Variants in PON2 observed in about 807,000 individuals in gnomAD.
PON2 encodes the protein serum paraoxonase/arylesterase 2.
In PON2, 27 loss-of-function variants were observed where a neutral mutation model predicts 36.6. The observed-to-expected ratio is 0.74, with a 90% CI of 0.54 to 1.02. The LOEUF (loss-of-function observed/expected upper bound fraction) is 1.02. PON2 is among the 50% of genes least tolerant of loss of function. The pLI is 0.00. For missense variants in PON2, 363 were observed against 421.1 expected, an observed-to-expected ratio of 0.86 and a Z score of 1.21; for synonymous variants, 149 against 156.3, an observed-to-expected ratio of 0.95 and a Z score of 0.35.
intron 1 of PON2, 77 bp downstream of exon 1, chr7:95,434,801 C>A (rs1474831324): frequency 1.3e-6 from 2 of 1,482,076 alleles, no homozygotes; most frequent in Admixed American, 4.1e-5. Context: ...CCTCCCCCAG[C>A]CTGCGCCCTC....
Position 95,411,215 on chromosome 7 carries a change from C to T in PON2, c.494+438G>A, listed in dbSNP as rs746867698. On this transcript the variant is annotated intron_variant, in intron 5 of 8. Transcript: ENST00000222572. ...GCAACCATCACTAACCCTATGAAAG[C>T]GATTGGTATAAAGTCCCATGCAAAG... Among the ~76,000 whole-genome samples the T allele has an allele frequency of 3.3e-5, 5 of 152,130 alleles. No individual in the cohort carries two copies. In the East Asian group the frequency reaches 5.8e-4, roughly 18 times the overall value.
At chr7:95,428,186 T>G (rs1173793237) in intron 1 of PON2, among the ~76,000 whole-genome samples, 1 of 152,198 alleles carries the variant, frequency 6.6e-6, no homozygotes, top group Non-Finnish European at 1.5e-5. Context: ...CTATTTGCCT[T>G]CTCTGTTTTA....
chr7:95,429,508 A>G (rs1789391282), intron 1 of PON2, among the ~76,000 whole-genome samples: 2 of 152,196 alleles, frequency 1.3e-5, no homozygotes, highest in South Asian at 4.1e-4. Context: ...AACAGTCATT[A>G]GCATGAAATC....
chr7:95,434,957 G>T lies in PON2; in HGVS notation c.-6C>A, dbSNP rs949437350. ...ACAGCCACCAGCCGCCCCATGGCGC[G>T]GGAGCCGGGCGCGCTGCCTCGCTCC... On this transcript the variant is annotated 5_prime_UTR_variant, in exon 1 of 9. Coordinates refer to ENST00000222572, the MANE Select transcript of PON2 (RefSeq NM_000305.3). The T allele has an allele frequency of 4.6e-6, 7 of 1,524,422 alleles. No individual in the cohort carries two copies. The highest frequency in any genetic ancestry group is 1.4e-5 in the African/African-American group (1 of 70,086). The allele number at this position is 1,524,422 out of a possible 1,614,324, so 94.4% of individuals were successfully genotyped here.
At chr7:95,424,918 G>A (rs918209086) in intron 1 of PON2, among the ~76,000 whole-genome samples, 4 of 152,090 alleles carry the variant, frequency 2.6e-5, no homozygotes, top group Non-Finnish European at 5.9e-5. Context: ...TGGTGTTGTG[G>A]GAAAAGAGTT....
chr7:95,421,651 AAAG>A (rs768437622), intron 2 of PON2, among the ~76,000 whole-genome samples: 5 of 152,152 alleles, frequency 3.3e-5, no homozygotes, highest in Admixed American at 6.5e-5. Flanking sequence ...TGGGCAATTG[AAAG>A]AAGGAAGGGA....
chr7:95,413,959 C>CA (rs1562787217), intron 3 of PON2, among the ~76,000 whole-genome samples: 1 of 152,178 alleles, frequency 6.6e-6, no homozygotes, highest in African/African-American at 2.4e-5. Flanking sequence ...GATTTACATG[C>CA]AAAGGAAGCA....
chr7:95,425,198 T>C lies in PON2; in HGVS notation c.75-613A>G, dbSNP rs75062327. ...TTTTTGGTTACATGGATGAGTGATA[T>C]AGCAGTGAATTCTGAGATTTTAGTG... On this transcript the variant is annotated intron_variant, in intron 1 of 8. Transcript: ENST00000222572. 2.8e-3 allele frequency among the ~76,000 whole-genome samples: 421 copies of C among 152,328 alleles called. 12 individuals carry two copies. The East Asian group carries it at 0.056, about 20-fold the overall frequency.
intron 5 of PON2, 128 bp from the exon 6 acceptor site, chr7:95,410,229 A>C: frequency 1.3e-6 from 1 of 766,200 alleles, no homozygotes; most frequent in Non-Finnish European, 2.2e-6. Context: ...GACGAGCTAA[A>C]AATCACGACT....
intron 3 of PON2, among the ~76,000 whole-genome samples, chr7:95,414,987 T>C (rs1345734885): frequency 6.6e-6 from 1 of 152,206 alleles, no homozygotes; most frequent in Admixed American, 6.5e-5. Context: ...GTGTTCTAAT[T>C]CTCATTCTAC....
chr7:95,409,408 T>A (rs1188096221), intron 6 of PON2: 1 of 151,964 alleles, frequency 6.6e-6, no homozygotes, highest in Non-Finnish European at 1.5e-5. Flanking sequence ...GTATAAAATA[T>A]TTTTTATGTA....
At chr7:95,412,723 G>C in intron 3 of PON2, 1 of 505,650 alleles carries the variant, frequency 2.0e-6, no homozygotes, top group Non-Finnish European at 3.6e-6. Flanking sequence ...CAGAAGGTTG[G>C]TGGACTAGGT....
intron 3 of PON2, chr7:95,412,756 G>A (rs1168914987): frequency 2.2e-6 from 1 of 451,358 alleles, no homozygotes; most frequent in Non-Finnish European, 4.1e-6. Context: ...AGCTGAGGGT[G>A]GAGAAAAGTG....
In PON2 at chr7:95,434,898, G is replaced by T. The variant is rs1055107357; in HGVS notation, c.54C>A (p.Gly18=). 3.2e-6 allele frequency: 5 copies of T among 1,539,934 alleles called. No homozygotes were observed. Among genetic ancestry groups the T allele is most frequent in the African/African-American group, 2.8e-5 (2 of 72,146 alleles). The change falls in exon 1 of 9, where the codon GGC becomes GGA. Residue 18 remains glycine, a synonymous_variant. Coordinates refer to ENST00000222572, the MANE Select transcript of PON2 (RefSeq NM_000305.3). The stretch of plus-strand genomic sequence containing the variant: ...CCTACCTGAGTGCCAGAAGCCTCTC[G>T]CCCAGGAGCGCCAGCGCGATCCCCA... ...GLLGIALALL[G]ERLLALRNRL... is the part of the protein sequence containing the mutation.
In PON2 at chr7:95,405,206, G is replaced by T; in HGVS notation, c.*124C>A. 1 of 1,067,422 alleles carries T rather than the reference G, an allele frequency of 9.4e-7. No individual in the cohort carries two copies. Among genetic ancestry groups the T allele is most frequent in the East Asian group, 2.6e-5 (1 of 38,312 alleles). 66.1% of individuals were successfully genotyped at this position (1,067,422 alleles called of 1,614,324 possible). A position where few individuals can be genotyped will look rare whatever the true frequency, so the allele number is the denominator to read the frequency against. On this transcript the variant is annotated 3_prime_UTR_variant, in exon 9 of 9. Coordinates refer to ENST00000222572, the MANE Select transcript of PON2 (RefSeq NM_000305.3). ...GAACTAAAAGGGCCGTTCCTTACTG[G>T]AATAAAATTAACTACACATGCCATA...
In PON2 at chr7:95,407,129, T is replaced by C. The variant is rs1199500916; in HGVS notation, c.696-61A>G. 2.7e-6 allele frequency: 3 copies of C among 1,098,480 alleles called. No individual in the cohort carries two copies. The Admixed American group carries it at 5.5e-5, about 20-fold the overall frequency. The allele number at this position is 1,098,480 out of a possible 1,614,324, so 68.0% of individuals were successfully genotyped here. ...CCAATATAAAGCTTCATTAATACAG[T>C]GTGAAAGAATAAGTCTTAATAACCT... is the stretch of plus-strand genomic sequence containing the variant. On this transcript the variant is annotated intron_variant, in intron 6 of 8. Transcript: ENST00000222572.
At chr7:95,413,448 C>T (rs1788987464) in intron 3 of PON2, among the ~76,000 whole-genome samples, 1 of 152,208 alleles carries the variant, frequency 6.6e-6, no homozygotes, top group Non-Finnish European at 1.5e-5. Context: ...GCAGCCAATG[C>T]TTCACCATCA....
chr7:95,430,309 A>ATTTT (rs1325194765), intron 1 of PON2, among the ~76,000 whole-genome samples: 1 of 150,276 alleles, frequency 6.7e-6, no homozygotes, highest in Non-Finnish European at 1.5e-5. Flanking sequence ...CTACAAAAAA[A>ATTTT]TTTTTTTGTT....
intron 2 of PON2, 119 bp from the exon 3 acceptor site, chr7:95,416,416 G>T: frequency 8.4e-7 from 1 of 1,186,792 alleles, no homozygotes; most frequent in Non-Finnish European, 1.2e-6. Context: ...TGGTTCTGAT[G>T]TTTTTTCCAA....
Sources: gnomAD v4.1 joint callset for allele counts (sites outside exome capture counted in the v4.1 genomes callset) on GRCh38, gnomAD v4.1.1 for gene constraint, MANE v1.5 for transcripts, NCBI Gene and HGNC (gene_info 2026-07-23, HGNC 2026-07-21) for gene names.